USP47: variants seen among roughly 807,000 people sequenced by gnomAD.
The protein encoded by USP47 is ubiquitin carboxyl-terminal hydrolase 47.
USP47 carries 35 observed loss-of-function variants against 165.1 expected under a neutral mutation model. The observed-to-expected ratio is 0.21, with a 90% CI of 0.16 to 0.28. The LOEUF is 0.28. USP47 is among the 10% of genes least tolerant of loss of function. USP47 has a pLI of 1.00. For missense variants in USP47, 1,277 were observed against 1,607.4 expected, an observed-to-expected ratio of 0.79 and a Z score of 3.52; for synonymous variants, 531 against 544.5, an observed-to-expected ratio of 0.98 and a Z score of 0.35.
At chr11:11,887,183 T>C (rs115358841) in intron 3 of USP47, among the ~76,000 whole-genome samples, 2,655 of 152,028 alleles carry the variant, frequency 0.017, 60 homozygotes, top group East Asian at 0.084. Context: ...GCCAGGAAAA[T>C]AGCCAGCTAG....
chr11:11,938,127 G>A, intron 17 of USP47, 130 bp from the exon 18 acceptor site: 1 of 668,888 alleles, frequency 1.5e-6, no homozygotes, highest in Non-Finnish European at 2.5e-6. Flanking sequence ...TATTTATTCA[G>A]TGTTGTTTTC....
intron 27 of USP47, 24 bp from the exon 28 acceptor site, chr11:11,955,977 A>G: frequency 2.0e-6 from 3 of 1,522,678 alleles, no homozygotes; most frequent in Non-Finnish European, 1.8e-6. Flanking sequence ...CTGGACTAAT[A>G]TGTGATTAAT....
intron 27 of USP47, among the ~76,000 whole-genome samples, chr11:11,955,447 A>AT (rs897013639): frequency 2.0e-4 from 31 of 152,278 alleles, no homozygotes; most frequent in African/African-American, 5.3e-4. Context: ...TGTATTTTGC[A>AT]TTTTTTTATT....
At chr11:11,877,712 C>T (rs926765550) in intron 1 of USP47, among the ~76,000 whole-genome samples, 1 of 151,568 alleles carries the variant, frequency 6.6e-6, no homozygotes, top group African/African-American at 2.4e-5. Context: ...TGTTAGAAAA[C>T]AGCATGTGTA....
At position 11,933,064 on chromosome 11, in the gene USP47, A is replaced by C; in HGVS notation, c.1712A>C (p.Glu571Ala). 6.2e-7 allele frequency: 1 copy of C among 1,613,466 alleles called. No homozygotes were observed. Among genetic ancestry groups the C allele is most frequent in the South Asian group, 1.1e-5 (1 of 91,046 alleles). ...AAAAACTTGGTGCAGAAAGAGAGAG[A>C]GTTGGAAGAACAAGAAAAGAGACAA... is the stretch of plus-strand genomic sequence containing the variant. ...HIKNLVQKER[E>A]LEEQEKRQRE... The change falls in exon 15 of 28, where the codon GAG (glutamate) becomes GCG (alanine). Residue 571 changes from glutamate (E) to alanine (A), a missense_variant. Physicochemically the swap from Glu to Ala is moderately radical, Grantham distance 107. Coordinates refer to ENST00000527733, the MANE Select transcript of USP47 (RefSeq NM_001282659.2).
chr11:11,916,864 T>C (rs11022083), intron 8 of USP47, among the ~76,000 whole-genome samples: 34,538 of 151,970 alleles, frequency 0.23, 4,508 homozygotes, highest in Non-Finnish European at 0.3. Flanking sequence ...TAAAGATGAA[T>C]TGAGGCCAGT....
At position 11,958,502 on chromosome 11, in the gene USP47, C is replaced by G. The variant is rs900298513; in HGVS notation, c.*2327C>G. The G allele has an allele frequency of 6.6e-6, 1 of 152,222 alleles. No homozygotes were observed. The highest frequency in any genetic ancestry group is 2.1e-4 in the South Asian group (1 of 4,828). 9.4% of individuals were successfully genotyped at this position (152,222 alleles called of 1,614,324 possible). A position where few individuals can be genotyped will look rare whatever the true frequency, so the allele number is the denominator to read the frequency against. ...CATAACCTAACAGGCAGAGCCCTAGCGATGTGGATCAAGTTTCCTGAGCCC... is the reference window on the plus strand; with the variant it reads ...CATAACCTAACAGGCAGAGCCCTAGGGATGTGGATCAAGTTTCCTGAGCCC... On this transcript the variant is annotated 3_prime_UTR_variant, in exon 28 of 28. Coordinates refer to ENST00000527733, the MANE Select transcript of USP47 (RefSeq NM_001282659.2).
intron 5 of USP47, among the ~76,000 whole-genome samples, chr11:11,901,502 G>A (rs2134444002): frequency 6.6e-6 from 1 of 152,256 alleles, no homozygotes; most frequent in East Asian, 1.9e-4. Flanking sequence ...AAGTTCTTCA[G>A]TTGGGAATTC....
chr11:11,920,625 A>G (rs1853768220), intron 10 of USP47, 131 bp downstream of exon 10: 1 of 762,554 alleles, frequency 1.3e-6, no homozygotes, highest in Non-Finnish European at 1.9e-6. Flanking sequence ...TTTCTTTCTT[A>G]TTTTCTAATG....
intron 25 of USP47, among the ~76,000 whole-genome samples, chr11:11,953,365 C>T (rs1204045662): frequency 6.6e-6 from 1 of 151,850 alleles, no homozygotes; most frequent in Non-Finnish European, 1.5e-5. Flanking sequence ...ATACTTCATA[C>T]TAAACACAAA....
At position 11,889,828 on chromosome 11, in the gene USP47, A is replaced by T. The variant is rs1300630202; in HGVS notation, c.358-2140A>T. Among the ~76,000 whole-genome samples, 4 of 152,336 alleles carry T rather than the reference A, an allele frequency of 2.6e-5. No homozygotes were observed. In the East Asian group the frequency reaches 7.7e-4, roughly 29 times the overall value. On this transcript the variant is annotated intron_variant, in intron 3 of 27. Coordinates refer to ENST00000527733, the MANE Select transcript of USP47 (RefSeq NM_001282659.2). ...CTATACTGCAAGGCTACAGTAATCA[A>T]AACATCATACTGCTGGTAAAAGAAC... is the stretch of plus-strand genomic sequence containing the variant.
intron 25 of USP47, among the ~76,000 whole-genome samples, chr11:11,954,307 T>C (rs111879910): frequency 0.024 from 3,582 of 152,252 alleles, 132 homozygotes; most frequent in African/African-American, 0.082. Flanking sequence ...TTCACTCTTA[T>C]TGCCCTGGCT....
chr11:11,860,899 A>G lies in USP47; in HGVS notation c.39+18675A>G, dbSNP rs80055498. On this transcript the variant is annotated intron_variant, in intron 1 of 27. Coordinates refer to ENST00000527733, the MANE Select transcript of USP47 (RefSeq NM_001282659.2). ...AGTATTAGGATAAAAGTGAGAGGAA[A>G]AGTAATACATTACAATTTTAATGCT... Among the ~76,000 whole-genome samples the G allele has an allele frequency of 4.9e-3, 739 of 152,274 alleles. 6 individuals carry two copies. The highest frequency in any genetic ancestry group is 0.017 in the African/African-American group (718 of 41,548).
chr11:11,892,383 T>TTC lies in USP47; in HGVS notation c.496+278_496+279insCT, dbSNP rs1564867570. Reference sequence around the variant, plus strand: ...CTTTTCTTTTCTTTTTAATTTTCTTTTTTTTTTTTTTTTTTTGAGACAGAG... The same window carrying TTC: ...CTTTTCTTTTCTTTTTAATTTTCTTTTCTTTTTTTTTTTTTTTTGAGACAGAG... On this transcript the variant is annotated intron_variant, in intron 4 of 27. Coordinates refer to ENST00000527733, the MANE Select transcript of USP47 (RefSeq NM_001282659.2). Among the ~76,000 whole-genome samples, 9 of 137,994 alleles carry TTC rather than the reference T, an allele frequency of 6.5e-5. 3 individuals carry two copies. Among genetic ancestry groups the TTC allele is most frequent in the Middle Eastern group, 3.9e-3 (1 of 256 alleles). The allele number at this position is 137,994 out of a possible 152,430, so 90.5% of individuals were successfully genotyped here.
intron 8 of USP47, among the ~76,000 whole-genome samples, chr11:11,913,258 CAAA>C (rs796881838): frequency 1.3e-5 from 1 of 79,292 alleles, no homozygotes; most frequent in Non-Finnish European, 2.5e-5. Flanking sequence ...ATCCCTTGTA[CAAA>C]AAAAAAAAAA....
At chr11:11,952,127 T>C (rs1006313456) in intron 24 of USP47, 2 of 152,236 alleles carry the variant, frequency 1.3e-5, no homozygotes, top group Admixed American at 6.5e-5. Context: ...GAACCACTTA[T>C]TGGTGCACAC....
At chr11:11,933,784 T>C in intron 15 of USP47, 47 bp from the exon 16 acceptor site, 1 of 1,344,058 alleles carries the variant, frequency 7.4e-7, no homozygotes, top group Non-Finnish European at 1.1e-6. Context: ...ACGGAAGAAT[T>C]GAACTTTGGA....
intron 1 of USP47, chr11:11,873,891 TAATC>T: frequency 1.5e-6 from 2 of 1,300,822 alleles, no homozygotes; most frequent in Non-Finnish European, 2.1e-6. Context: ...TTTAATGTGA[TAATC>T]AGCAGAGCAA....
chr11:11,918,262 T>A (rs1853574243), intron 8 of USP47, among the ~76,000 whole-genome samples: 1 of 152,082 alleles, frequency 6.6e-6, no homozygotes, highest in Non-Finnish European at 1.5e-5. Flanking sequence ...ATAAGTGGCC[T>A]CTGTTCTTCA....
Sources: allele counts gnomAD v4.1 joint callset (sites outside exome capture counted in the v4.1 genomes callset), GRCh38; gene constraint gnomAD v4.1.1; transcripts MANE v1.5; gene names NCBI Gene and HGNC (gene_info 2026-07-23, HGNC 2026-07-21).